SEC24A: variants seen among roughly 807,000 people sequenced by gnomAD.
The protein encoded by SEC24A is SEC24 homolog A, COPII component.
In SEC24A, 93 loss-of-function variants were observed where a neutral mutation model predicts 129.4. That is an observed-to-expected ratio of 0.72 (90% confidence interval 0.61 to 0.85). SEC24A has a LOEUF of 0.85. Ranked by LOEUF, SEC24A falls within the 40% of genes least tolerant of loss-of-function variation. The pLI, the probability that SEC24A is intolerant of heterozygous loss-of-function variation, is 0.00. For missense variants in SEC24A, 1,264 were observed against 1,307.4 expected (o/e 0.97, Z 0.51); for synonymous variants, 460 against 467.3 (o/e 0.98, Z 0.20).
At chr5:134,685,442 GTAT>G (rs1025654226) in intron 9 of SEC24A, among the ~76,000 whole-genome samples, 10 of 151,848 alleles carry the variant, frequency 6.6e-5, no homozygotes, top group African/African-American at 2.4e-4. Context: ...GTTGTATTAG[GTAT>G]TATTTTAAAA....
rs1342220000 is a variant in SEC24A, at chr5:134,725,792, T to C, written c.*698T>C. On this transcript the variant is annotated 3_prime_UTR_variant, in exon 23 of 23. Transcript: ENST00000398844. ...GGTTTTCTGATTTCCTGATGAAGAGTTGGACATACTGTCTTAATCTATAGT... is the reference window on the plus strand; with the variant it reads ...GGTTTTCTGATTTCCTGATGAAGAGCTGGACATACTGTCTTAATCTATAGT... 2 of 152,570 alleles carry C rather than the reference T, an allele frequency of 1.3e-5. No homozygotes were observed. The highest frequency in any genetic ancestry group is 2.9e-5 in the Non-Finnish European group (2 of 67,986). 9.5% of individuals were successfully genotyped at this position (152,570 alleles called of 1,614,324 possible). A position where few individuals can be genotyped will look rare whatever the true frequency, so the allele number is the denominator to read the frequency against.
intron 9 of SEC24A, among the ~76,000 whole-genome samples, chr5:134,683,314 C>T (rs967663813): frequency 6.6e-5 from 10 of 152,066 alleles, no homozygotes; most frequent in Non-Finnish European, 1.0e-4. Flanking sequence ...CCACCGTGCC[C>T]GGCCAGCTCA....
intron 12 of SEC24A, 109 bp downstream of exon 12, chr5:134,692,766 G>A (rs2150097004): frequency 1.3e-6 from 1 of 788,546 alleles, no homozygotes; most frequent in Non-Finnish European, 2.2e-6. Context: ...TTTCTAAGAT[G>A]TGTAGCATTT....
At chr5:134,654,215 A>T (rs936753550) in intron 1 of SEC24A, among the ~76,000 whole-genome samples, 2 of 151,368 alleles carry the variant, frequency 1.3e-5, no homozygotes, top group Non-Finnish European at 2.9e-5. Flanking sequence ...TTTCAAAAAA[A>T]AAAAATATAT....
Position 134,721,874 on chromosome 5 carries a change from A to AAAAT in SEC24A, c.3063+796_3063+799dup, listed in dbSNP as rs1457624169. ...GCAACAGAGCAAGAACCTGTCTCAA[A>AAAAT]AAATAAATAAATAAAAGACTGCTGT... On this transcript the variant is annotated intron_variant, in intron 21 of 22. Coordinates refer to ENST00000398844, the MANE Select transcript of SEC24A (RefSeq NM_021982.3). Among the ~76,000 whole-genome samples the AAAAT allele has an allele frequency of 2.0e-5, 3 of 152,320 alleles. No homozygotes were observed. The South Asian group carries it at 6.2e-4, about 32-fold the overall frequency.
intron 2 of SEC24A, among the ~76,000 whole-genome samples, chr5:134,662,808 G>A (rs1750519654): frequency 6.6e-6 from 1 of 152,070 alleles, no homozygotes; most frequent in Non-Finnish European, 1.5e-5. Flanking sequence ...GATACCATGA[G>A]TGAGCATCAA....
intron 6 of SEC24A, among the ~76,000 whole-genome samples, chr5:134,675,557 A>C (rs1751030894): frequency 6.6e-6 from 1 of 152,220 alleles, no homozygotes; most frequent in South Asian, 2.1e-4. Context: ...TTAATTTCAT[A>C]ACAAACATAA....
chr5:134,701,993 C>T (rs1752020916), intron 15 of SEC24A, among the ~76,000 whole-genome samples: 1 of 152,176 alleles, frequency 6.6e-6, no homozygotes, highest in Admixed American at 6.5e-5. Flanking sequence ...TTCCACTCTA[C>T]AGTTAATCAT....
At chr5:134,711,446 G>A (rs1258660822) in intron 18 of SEC24A, among the ~76,000 whole-genome samples, 1 of 151,930 alleles carries the variant, frequency 6.6e-6, no homozygotes, top group Admixed American at 6.6e-5. Context: ...GGGAGGCAAA[G>A]GCGGGAGGAT....
At chr5:134,719,643 A>G (rs1375919794) in intron 20 of SEC24A, among the ~76,000 whole-genome samples, 1 of 151,822 alleles carries the variant, frequency 6.6e-6, no homozygotes, top group Non-Finnish European at 1.5e-5. Context: ...AGCTGAGATC[A>G]TACCACTGCA....
At chr5:134,696,292 A>G (rs1161537799) in intron 13 of SEC24A, among the ~76,000 whole-genome samples, 7 of 151,998 alleles carry the variant, frequency 4.6e-5, no homozygotes, top group Admixed American at 4.6e-4. Flanking sequence ...AAAAAGAAAA[A>G]AAGAAAATGA....
At chr5:134,657,182 GCACACA>G (rs70976550) in intron 1 of SEC24A, among the ~76,000 whole-genome samples, 15 of 136,212 alleles carry the variant, frequency 1.1e-4, no homozygotes, top group South Asian at 2.4e-4. Flanking sequence ...TCTGAAAAAC[GCACACA>G]CACACACACA....
In SEC24A at chr5:134,688,303, T is replaced by C. The variant is rs763933355; in HGVS notation, c.1723+4T>C. ...CTAATAGTTTCAGATATTGAAGGTA[T>C]AGATTTATTGAACTACTTTCATAAT... On this transcript the variant is annotated splice_donor_region_variant and intron_variant, in intron 11 of 22. Transcript: ENST00000398844. The C allele has an allele frequency of 3.4e-6, 5 of 1,469,014 alleles. No individual in the cohort carries two copies. Among genetic ancestry groups the C allele is most frequent in the Non-Finnish European group, 3.8e-6 (4 of 1,051,912 alleles). 91.0% of individuals were successfully genotyped at this position (1,469,014 alleles called of 1,614,324 possible).
At chr5:134,659,002 A>G (rs973381904) in intron 1 of SEC24A, among the ~76,000 whole-genome samples, 8 of 152,044 alleles carry the variant, frequency 5.3e-5, no homozygotes, top group Non-Finnish European at 8.8e-5. Flanking sequence ...TTTTTATGCC[A>G]TAGTAGCGTA....
intron 3 of SEC24A, among the ~76,000 whole-genome samples, chr5:134,669,999 C>T (rs926520784): frequency 6.6e-6 from 1 of 151,998 alleles, no homozygotes; most frequent in Non-Finnish European, 1.5e-5. Flanking sequence ...GGATCTTGGC[C>T]CACTGCAGCT....
chr5:134,650,765 G>A (rs1561796883), intron 1 of SEC24A, among the ~76,000 whole-genome samples: 1 of 142,154 alleles, frequency 7.0e-6, no homozygotes. Context: ...AGGGTTTTTT[G>A]TTTGTTTGTT....
chr5:134,705,090 A>ATTTT (rs58181904), intron 16 of SEC24A, among the ~76,000 whole-genome samples: 64 of 123,282 alleles, frequency 5.2e-4, no homozygotes, highest in East Asian at 4.1e-3. Context: ...ATATATATAT[A>ATTTT]TTTTTTTTTT....
chr5:134,661,700 T>G, intron 2 of SEC24A, 114 bp downstream of exon 2: 1 of 886,176 alleles, frequency 1.1e-6, no homozygotes, highest in Non-Finnish European at 1.7e-6. Context: ...ACTTTTAAAA[T>G]TATTAGTAGT....
At chr5:134,699,301 CTT>C (rs1208203003) in intron 15 of SEC24A, among the ~76,000 whole-genome samples, 4 of 138,296 alleles carry the variant, frequency 2.9e-5, no homozygotes, top group Non-Finnish European at 3.1e-5. Context: ...CCATTTTATC[CTT>C]TTTTTTTTTT....
Sources: gnomAD v4.1 joint callset for allele counts (sites outside exome capture counted in the v4.1 genomes callset) on GRCh38, gnomAD v4.1.1 for gene constraint, MANE v1.5 for transcripts, NCBI Gene and HGNC (gene_info 2026-07-23, HGNC 2026-07-21) for gene names.